The following CAST variants were observed in gnomAD, a reference collection of about 807,000 sequenced individuals.
CAST encodes the protein MIR583 host.
A neutral mutation model predicts 119.6 loss-of-function variants in CAST; 76 were observed. The observed-to-expected ratio is 0.64, with a 90% CI of 0.53 to 0.77. The LOEUF is 0.77. CAST is among the 30% of genes least tolerant of loss of function. The pLI is 0.00. For missense variants in CAST, 953 were observed against 946.5 expected (o/e 1.01, Z -0.09); for synonymous variants, 319 against 331.6 (o/e 0.96, Z 0.41).
the CAST span, among the ~76,000 whole-genome samples, chr5:96,366,478 A>G: frequency 7.2e-5 from 11 of 152,312 alleles, no homozygotes; most frequent in Non-Finnish European, 1.5e-4. Flanking sequence ...TGAGACGTAG[A>G]TTTGGTCTTT....
chr5:96,470,827 G>C, the CAST span, among the ~76,000 whole-genome samples: 5,479 of 152,104 alleles, frequency 0.036, 113 homozygotes, highest in Non-Finnish European at 0.055. Flanking sequence ...AAGAGTCACT[G>C]GTGTACAGGA....
At chr5:96,238,142 C>G in the CAST span, among the ~76,000 whole-genome samples, 1 of 151,926 alleles carries the variant, frequency 6.6e-6, no homozygotes, top group Non-Finnish European at 1.5e-5. Context: ...AAATTTAATA[C>G]ATTTTAACCT....
chr5:96,622,469 C>T (rs1053865359), intron 1 of CAST, among the ~76,000 whole-genome samples: 5 of 152,180 alleles, frequency 3.3e-5, no homozygotes, highest in African/African-American at 1.2e-4. Flanking sequence ...GTAGAAAATA[C>T]AGCAAATGGT....
the CAST span, among the ~76,000 whole-genome samples, chr5:96,024,744 A>G: frequency 1.3e-5 from 2 of 152,162 alleles, no homozygotes; most frequent in Non-Finnish European, 2.9e-5. Flanking sequence ...TGTGGGAAGT[A>G]AAGACTTCAA....
At chr5:96,524,837 C>G (rs769815284), upstream of CAST, among the ~76,000 whole-genome samples, 4 of 152,200 alleles carry the variant, frequency 2.6e-5, no homozygotes, top group African/African-American at 9.6e-5. Flanking sequence ...TTTAAGCCCA[C>G]ATGTTGGTTA....
the CAST span, among the ~76,000 whole-genome samples, chr5:96,506,665 A>C: frequency 1.0e-4 from 1 of 9,796 alleles, no homozygotes; most frequent in African/African-American, 1.1e-4. Flanking sequence ...CACTATGAGG[A>C]GGTCTCCTCC....
chr5:96,131,420 C>T, the CAST span, among the ~76,000 whole-genome samples: 2 of 145,878 alleles, frequency 1.4e-5, no homozygotes, highest in Admixed American at 6.8e-5. Context: ...TGTTATTATA[C>T]ACACACACAC....
the CAST span, among the ~76,000 whole-genome samples, chr5:96,319,685 C>A: frequency 6.6e-6 from 1 of 152,066 alleles, no homozygotes; most frequent in East Asian, 1.9e-4. Context: ...TTCAAAGTTA[C>A]CAGTAAGCAA....
chr5:96,771,139 C>T (rs568026352), intron 30 of CAST, among the ~76,000 whole-genome samples: 4 of 152,282 alleles, frequency 2.6e-5, no homozygotes, highest in African/African-American at 9.6e-5. Flanking sequence ...AGTAGATTCC[C>T]TTAAGGGATA....
chr5:96,314,015 AAGTATGC>A, the CAST span, among the ~76,000 whole-genome samples: 1 of 152,166 alleles, frequency 6.6e-6, no homozygotes, highest in Non-Finnish European at 1.5e-5. Flanking sequence ...CCTAAATTAC[AAGTATGC>A]AGTACCCAAA....
intron 1 of CAST, among the ~76,000 whole-genome samples, chr5:96,674,114 A>G (rs1750429942): frequency 6.6e-6 from 1 of 152,162 alleles, no homozygotes; most frequent in Admixed American, 6.5e-5. Flanking sequence ...ATATTATCTA[A>G]TTCCATTTAG....
At chr5:96,721,787 A>G (rs1758308618) in intron 3 of CAST, among the ~76,000 whole-genome samples, 1 of 152,228 alleles carries the variant, frequency 6.6e-6, no homozygotes, top group Non-Finnish European at 1.5e-5. Context: ...ACTCCAAACC[A>G]TACAAGTATC....
chr5:96,068,793 G>T, the CAST span, among the ~76,000 whole-genome samples: 1 of 150,666 alleles, frequency 6.6e-6, no homozygotes, highest in South Asian at 2.1e-4. Flanking sequence ...ACACATGTGT[G>T]TATATGTATA....
Position 96,624,246 on chromosome 5 carries a change from G to A in CAST, c.61-51293G>A, listed in dbSNP as rs567385154. The stretch of plus-strand genomic sequence containing the variant: ...GGGGTTTGCTTTTGGTTTTGTCTAC[G>A]CACACCTCACTATGGGAAAGAAGCA... On this transcript the variant is annotated intron_variant, in intron 1 of 11. Coordinates refer to the CAST transcript ENST00000505143. 2.0e-5 allele frequency among the ~76,000 whole-genome samples: 3 copies of A among 152,230 alleles called. No individual in the cohort carries two copies. In the South Asian group the frequency reaches 6.2e-4, roughly 32 times the overall value.
At chr5:96,769,402 T>G (rs1378393734) in intron 29 of CAST, 3 of 152,064 alleles carry the variant, frequency 2.0e-5, no homozygotes, top group Non-Finnish European at 2.9e-5. Flanking sequence ...TTTTGTTTTT[T>G]TTTTTTTGCC....
the CAST span, among the ~76,000 whole-genome samples, chr5:96,422,858 G>A: frequency 6.6e-6 from 1 of 150,422 alleles, no homozygotes; most frequent in Non-Finnish European, 1.5e-5. Flanking sequence ...GCTTGGCATA[G>A]GTGCATTGTG....
At chr5:96,058,711 A>T in the CAST span, among the ~76,000 whole-genome samples, 3 of 152,092 alleles carry the variant, frequency 2.0e-5, no homozygotes, top group Non-Finnish European at 4.4e-5. Context: ...GCAACTTTTC[A>T]GATTTTTGAG....
At chr5:96,728,700 A>G (rs545774173) in intron 6 of CAST, 1 of 154,614 alleles carries the variant, frequency 6.5e-6, no homozygotes, top group Non-Finnish European at 1.4e-5. Context: ...GATGGTCTTG[A>G]TCTCCTGACC....
chr5:96,021,726 G>A, the CAST span, among the ~76,000 whole-genome samples: 2 of 152,158 alleles, frequency 1.3e-5, no homozygotes, highest in Non-Finnish European at 2.9e-5. Context: ...GATTACAGGT[G>A]TGAGCCACTG....
Sources: allele counts gnomAD v4.1 joint callset (sites outside exome capture counted in the v4.1 genomes callset), GRCh38; gene constraint gnomAD v4.1.1; transcripts MANE v1.5; gene names NCBI Gene and HGNC (gene_info 2026-07-23, HGNC 2026-07-21).